GABRB3: variants seen among roughly 807,000 people sequenced by gnomAD.
GABRB3 encodes the protein gamma-aminobutyric acid type A receptor subunit beta3.
A neutral mutation model predicts 52.1 loss-of-function variants in GABRB3; 14 were observed. The ratio of observed to expected loss-of-function variants is 0.27; its 90% CI spans 0.18 to 0.42. The LOEUF (loss-of-function observed/expected upper bound fraction) is 0.42, where lower values mean the gene tolerates loss of function less well. Among genes scored for constraint, GABRB3 ranks in the 10% least tolerant of loss-of-function variants. The probability of loss-of-function intolerance (pLI) is 1.00; values close to 1 mark genes in which losing one functional copy is unlikely to be tolerated. For missense variants in GABRB3, 307 were observed against 609.1 expected (o/e 0.50, Z 5.22); for synonymous variants, 260 against 232.3 (o/e 1.12, Z -1.08).
intron 3 of GABRB3, among the ~76,000 whole-genome samples, chr15:26,660,111 T>A (rs1887493817): frequency 6.6e-6 from 1 of 151,704 alleles, no homozygotes; most frequent in Non-Finnish European, 1.5e-5. Context: ...GCCCCTGTAA[T>A]CCCAGCTACT....
At chr15:26,650,852 G>A (rs904711975) in intron 3 of GABRB3, among the ~76,000 whole-genome samples, 6 of 152,052 alleles carry the variant, frequency 3.9e-5, no homozygotes, top group African/African-American at 4.8e-5. Context: ...TTGAGGAGAC[G>A]GACTTCAGAG....
chr15:26,582,439 TA>T (rs1042223158), intron 5 of GABRB3, among the ~76,000 whole-genome samples: 7 of 152,302 alleles, frequency 4.6e-5, no homozygotes, highest in African/African-American at 1.7e-4. Flanking sequence ...TCCTCTAAGG[TA>T]AAAGTCCCCA....
intron 4 of GABRB3, among the ~76,000 whole-genome samples, chr15:26,585,462 T>A (rs1328210906): frequency 6.6e-6 from 1 of 152,180 alleles, no homozygotes; most frequent in African/African-American, 2.4e-5. Context: ...CCAATACTGA[T>A]GGACTTGTGT....
At chr15:26,720,838 CTA>C (rs1889624202) in intron 3 of GABRB3, among the ~76,000 whole-genome samples, 1 of 152,168 alleles carries the variant, frequency 6.6e-6, no homozygotes, top group African/African-American at 2.4e-5. Context: ...AACATGGAAC[CTA>C]TATTCTAGTG....
intron 3 of GABRB3, among the ~76,000 whole-genome samples, chr15:26,630,095 T>C (rs1892872237): frequency 6.6e-6 from 1 of 152,148 alleles, no homozygotes; most frequent in Non-Finnish European, 1.5e-5. Flanking sequence ...GGAAGGCCGC[T>C]GGGGAAGCCC....
At chr15:26,693,160 A>G (rs1332772179) in intron 3 of GABRB3, among the ~76,000 whole-genome samples, 1 of 152,170 alleles carries the variant, frequency 6.6e-6, no homozygotes, top group East Asian at 1.9e-4. Flanking sequence ...CATTCTAAAG[A>G]GCCTTTGTAC....
chr15:26,598,613 A>G (rs564412181), intron 4 of GABRB3, among the ~76,000 whole-genome samples: 1 of 152,322 alleles, frequency 6.6e-6, no homozygotes, highest in South Asian at 2.1e-4. Flanking sequence ...GCCAGATGAA[A>G]AAGGATTTCT....
At chr15:26,741,071 T>A (rs542616224) in intron 3 of GABRB3, among the ~76,000 whole-genome samples, 1 of 110,298 alleles carries the variant, frequency 9.1e-6, no homozygotes, top group Non-Finnish European at 2.2e-5. Context: ...TGTGTGTGTG[T>A]GTGTGTGTGT....
chr15:26,717,120 C>CACCCAATGACA (rs1200217287), intron 3 of GABRB3, among the ~76,000 whole-genome samples: 7 of 103,232 alleles, frequency 6.8e-5, no homozygotes, highest in Non-Finnish European at 1.3e-4. Flanking sequence ...TGGGGACATC[C>CACCCAATGACA]GCCCAATGAC....
chr15:26,714,393 T>G (rs2140134156), intron 3 of GABRB3, among the ~76,000 whole-genome samples: 1 of 152,346 alleles, frequency 6.6e-6, no homozygotes, highest in African/African-American at 2.4e-5. Context: ...CAGGAGGTCC[T>G]GATGACATGT....
At chr15:26,600,067 G>C (rs1488988657) in intron 4 of GABRB3, among the ~76,000 whole-genome samples, 1 of 151,966 alleles carries the variant, frequency 6.6e-6, no homozygotes, top group Non-Finnish European at 1.5e-5. Context: ...ATACAAATCT[G>C]TAAGATAAAG....
intron 3 of GABRB3, among the ~76,000 whole-genome samples, chr15:26,756,671 A>G (rs923206120): frequency 1.3e-5 from 2 of 151,474 alleles, no homozygotes; most frequent in African/African-American, 4.9e-5. Flanking sequence ...GTAATATCAC[A>G]TATGTGTTAT....
At chr15:26,663,194 G>A (rs1887603493) in intron 3 of GABRB3, among the ~76,000 whole-genome samples, 1 of 152,158 alleles carries the variant, frequency 6.6e-6, no homozygotes, top group Admixed American at 6.5e-5. Context: ...CCCCTTCATA[G>A]CCACATCAGC....
At chr15:26,551,278 A>G (rs1358788629) in intron 8 of GABRB3, among the ~76,000 whole-genome samples, 1 of 152,144 alleles carries the variant, frequency 6.6e-6, no homozygotes, top group Non-Finnish European at 1.5e-5. Flanking sequence ...CTGAAGTGCA[A>G]CTCAAGCTAT....
chr15:26,636,184 T>A (rs1345954367), intron 3 of GABRB3, among the ~76,000 whole-genome samples: 10 of 152,200 alleles, frequency 6.6e-5, no homozygotes, highest in African/African-American at 2.2e-4. Flanking sequence ...GATTGGAGAA[T>A]AACAGCACCT....
At chr15:26,569,094 T>G (rs1567115032) in intron 6 of GABRB3, among the ~76,000 whole-genome samples, 2 of 152,128 alleles carry the variant, frequency 1.3e-5, no homozygotes, top group African/African-American at 4.8e-5. Context: ...CAGGCTCCTA[T>G]TCTCCTCCTG....
At chr15:26,737,917 G>A (rs1259351804) in intron 3 of GABRB3, among the ~76,000 whole-genome samples, 1 of 152,104 alleles carries the variant, frequency 6.6e-6, no homozygotes, top group East Asian at 1.9e-4. Context: ...CACTGAGTTT[G>A]TTTCTCCTTT....
intron 3 of GABRB3, chr15:26,629,189 G>C: frequency 6.9e-7 from 1 of 1,459,762 alleles, no homozygotes; most frequent in Non-Finnish European, 9.0e-7. Context: ...GAGACGGAGG[G>C]CTTTGCGAAG....
chr15:26,695,949 A>G (rs557274145), intron 3 of GABRB3, among the ~76,000 whole-genome samples: 1 of 152,330 alleles, frequency 6.6e-6, no homozygotes, highest in Non-Finnish European at 1.5e-5. Context: ...AAAACTCCCA[A>G]AAGTCTTTTC....
Sources: gnomAD v4.1 joint callset for allele counts (sites outside exome capture counted in the v4.1 genomes callset) on GRCh38, gnomAD v4.1.1 for gene constraint, MANE v1.5 for transcripts, NCBI Gene and HGNC (gene_info 2026-07-23, HGNC 2026-07-21) for gene names.